Variants in BBOX1 observed in about 807,000 individuals in gnomAD.
BBOX1 encodes gamma-butyrobetaine hydroxylase 1, also known as gamma-butyrobetaine dioxygenase.
A neutral mutation model predicts 41.6 loss-of-function variants in BBOX1; 35 were observed. The observed-to-expected ratio is 0.84, with a 90% CI of 0.64 to 1.11. The LOEUF (loss-of-function observed/expected upper bound fraction) is 1.11. BBOX1 is among the 50% of genes most tolerant of loss of function. The pLI, the probability that BBOX1 is intolerant of heterozygous loss-of-function variation, is 0.00. For missense variants in BBOX1, 458 were observed against 460.6 expected (o/e 0.99, Z 0.05); for synonymous variants, 163 against 154.7 (o/e 1.05, Z -0.40).
intron 5 of BBOX1, among the ~76,000 whole-genome samples, chr11:27,111,892 T>C (rs1407697946): frequency 6.6e-6 from 1 of 151,968 alleles, no homozygotes; most frequent in East Asian, 1.9e-4. Context: ...AGTATCAGTT[T>C]GGTATTTCAT....
intron 7 of BBOX1, among the ~76,000 whole-genome samples, chr11:27,124,119 T>A (rs1859561210): frequency 6.6e-6 from 1 of 152,158 alleles, no homozygotes; most frequent in Non-Finnish European, 1.5e-5. Flanking sequence ...TTTCCCCATT[T>A]GTTGATAATA....
chr11:27,095,248 G>A (rs977010885), intron 5 of BBOX1, among the ~76,000 whole-genome samples: 2 of 151,878 alleles, frequency 1.3e-5, no homozygotes, highest in African/African-American at 2.4e-5. Context: ...CAAACTTTTT[G>A]TATCTGTTCC....
intron 4 of BBOX1, among the ~76,000 whole-genome samples, chr11:27,091,140 C>T (rs986070018): frequency 6.6e-6 from 1 of 151,950 alleles, no homozygotes; most frequent in African/African-American, 2.4e-5. Flanking sequence ...TCCATGAAAT[C>T]TTCACAATTT....
At chr11:27,069,457 C>G (rs190817486) in intron 4 of BBOX1, among the ~76,000 whole-genome samples, 87 of 152,138 alleles carry the variant, frequency 5.7e-4, no homozygotes, top group African/African-American at 2.1e-3. Context: ...CTTATGAAAT[C>G]TAGAAGTCTT....
At chr11:27,078,416 C>A (rs1436905279) in intron 4 of BBOX1, among the ~76,000 whole-genome samples, 1 of 152,046 alleles carries the variant, frequency 6.6e-6, no homozygotes, top group Admixed American at 6.6e-5. Flanking sequence ...TGGTTTGCTG[C>A]ACCCATCAAC....
intron 5 of BBOX1, among the ~76,000 whole-genome samples, chr11:27,112,904 A>C (rs7951152): frequency 2.0e-5 from 3 of 152,038 alleles, no homozygotes; most frequent in African/African-American, 7.2e-5. Context: ...TGCAAAGTAT[A>C]TATCTGACCA....
chr11:27,115,572 A>G lies in BBOX1; in HGVS notation c.639+15A>G. 3.1e-6 allele frequency: 5 copies of G among 1,591,804 alleles called. No homozygotes were observed. Among genetic ancestry groups the G allele is most frequent in the South Asian group, 2.2e-5 (2 of 89,762 alleles). On this transcript the variant is annotated intron_variant, in intron 6 of 8. Coordinates refer to ENST00000263182, the MANE Select transcript of BBOX1 (RefSeq NM_003986.3). ...ATCCACCTGGGGTAAGTGAGCTTCA[A>G]CATATTTTCCACAAAGCATGATGAT...
intron 4 of BBOX1, among the ~76,000 whole-genome samples, chr11:27,083,187 C>T (rs1179961134): frequency 6.6e-6 from 1 of 152,064 alleles, no homozygotes; most frequent in Non-Finnish European, 1.5e-5. Context: ...CTTTGAGCCT[C>T]TAGTCATCAT....
chr11:27,053,463 G>A (rs945639939), intron 2 of BBOX1, among the ~76,000 whole-genome samples: 23 of 152,152 alleles, frequency 1.5e-4, no homozygotes, highest in African/African-American at 5.3e-4. Flanking sequence ...TATGTAGCAG[G>A]GACTGTATAT....
At chr11:27,085,308 G>A (rs76497076) in intron 4 of BBOX1, among the ~76,000 whole-genome samples, 1 of 152,230 alleles carries the variant, frequency 6.6e-6, no homozygotes, top group African/African-American at 2.4e-5. Context: ...CAACACGCAA[G>A]CAAGTCTATC....
rs376622562 is a variant in BBOX1, at chr11:27,115,433, T to G, written c.534-19T>G. The G allele has an allele frequency of 6.3e-7, 1 of 1,594,436 alleles. No homozygotes were observed. The highest frequency in any genetic ancestry group is 2.3e-5 in the East Asian group (1 of 44,276). On this transcript the variant is annotated intron_variant, in intron 5 of 8. Transcript: ENST00000263182. ...CTTAGTGACAACCTGTTTAAACATG[T>G]GTTTCTTGCATTTTACAGACATACT...
chr11:27,064,962 A>C (rs1462792262), intron 4 of BBOX1, among the ~76,000 whole-genome samples: 1 of 151,986 alleles, frequency 6.6e-6, no homozygotes, highest in African/African-American at 2.4e-5. Context: ...TAGTGGTGTT[A>C]CCTGCAGGAA....
chr11:27,067,247 C>G (rs185097775), intron 4 of BBOX1, among the ~76,000 whole-genome samples: 41 of 152,032 alleles, frequency 2.7e-4, no homozygotes, highest in African/African-American at 8.9e-4. Context: ...ATTTCAATAG[C>G]TTTTGGAGAG....
intron 4 of BBOX1, among the ~76,000 whole-genome samples, chr11:27,083,807 C>G (rs1857937912): frequency 6.6e-6 from 1 of 152,090 alleles, no homozygotes; most frequent in African/African-American, 2.4e-5. Context: ...CTTTGCATAG[C>G]AAGGATTTCA....
At chr11:27,080,669 T>TA (rs1179041696) in intron 4 of BBOX1, among the ~76,000 whole-genome samples, 1 of 152,126 alleles carries the variant, frequency 6.6e-6, no homozygotes, top group Admixed American at 6.6e-5. Context: ...GATGTGGTGG[T>TA]AGCACTGTAT....
chr11:27,065,475 G>A (rs1257859634), intron 4 of BBOX1, among the ~76,000 whole-genome samples: 1 of 152,046 alleles, frequency 6.6e-6, no homozygotes, highest in Non-Finnish European at 1.5e-5. Flanking sequence ...TGCAAGATGG[G>A]GCTGCCCTTG....
intron 2 of BBOX1, 28 bp from the exon 3 acceptor site, chr11:27,055,365 G>T: frequency 6.6e-7 from 1 of 1,516,836 alleles, no homozygotes. Context: ...ATCTGCCTGA[G>T]ATTCCTTTTA....
chr11:27,056,839 G>A (rs902605509), intron 3 of BBOX1, among the ~76,000 whole-genome samples: 2 of 151,090 alleles, frequency 1.3e-5, no homozygotes, highest in East Asian at 2.0e-4. Context: ...AGGCTGAGGC[G>A]GGCGCATCAC....
chr11:27,102,067 G>A (rs1858681559), intron 5 of BBOX1, among the ~76,000 whole-genome samples: 1 of 151,936 alleles, frequency 6.6e-6, no homozygotes, highest in Non-Finnish European at 1.5e-5. Flanking sequence ...CAACCAAAAT[G>A]AATACATACG....
Sources: allele counts gnomAD v4.1 joint callset (sites outside exome capture counted in the v4.1 genomes callset), GRCh38; gene constraint gnomAD v4.1.1; transcripts MANE v1.5; gene names NCBI Gene and HGNC (gene_info 2026-07-23, HGNC 2026-07-21).